The following PRKAR2A variants were observed in gnomAD, a reference collection of about 807,000 sequenced individuals.
PRKAR2A encodes cAMP-dependent protein kinase type II-alpha regulatory subunit.
Under a neutral mutation model 51.9 loss-of-function variants are expected in PRKAR2A, and 29 were observed. The ratio of observed to expected loss-of-function variants is 0.56; its 90% CI spans 0.42 to 0.76. The LOEUF is 0.76. Among genes scored for constraint, PRKAR2A ranks in the 30% least tolerant of loss-of-function variants. The pLI is 0.00. For missense variants in PRKAR2A, 445 were observed against 512.1 expected (o/e 0.87, Z 1.26); for synonymous variants, 178 against 186.2 (o/e 0.96, Z 0.36).
intron 1 of PRKAR2A, among the ~76,000 whole-genome samples, chr3:48,809,346 T>G (rs1458273986): frequency 1.3e-5 from 2 of 151,772 alleles, no homozygotes; most frequent in Non-Finnish European, 2.9e-5. Flanking sequence ...ATCCCAGCAC[T>G]CTGGGAGGCC....
intron 1 of PRKAR2A, among the ~76,000 whole-genome samples, chr3:48,838,050 C>T (rs894535676): frequency 2.6e-5 from 4 of 151,828 alleles, no homozygotes; most frequent in East Asian, 1.9e-4. Context: ...TGGTGGCGGG[C>T]GCCTGTAGTC....
intron 3 of PRKAR2A, 147 bp from the exon 4 acceptor site, chr3:48,790,774 T>C (rs1404925199): frequency 1.9e-6 from 1 of 514,282 alleles, no homozygotes; most frequent in African/African-American, 2.0e-5. Flanking sequence ...TCAAGCTGCA[T>C]GCTAAAGGTG....
At chr3:48,767,851 G>A (rs1448564578) in intron 6 of PRKAR2A, among the ~76,000 whole-genome samples, 1 of 151,806 alleles carries the variant, frequency 6.6e-6, no homozygotes, top group Non-Finnish European at 1.5e-5. Flanking sequence ...TTGAACCTGG[G>A]AGGTGGAGGT....
chr3:48,755,347 A>C (rs2081743410), intron 9 of PRKAR2A, among the ~76,000 whole-genome samples: 1 of 151,692 alleles, frequency 6.6e-6, no homozygotes, highest in Non-Finnish European at 1.5e-5. Flanking sequence ...TATTAACTCG[A>C]CTTAGTATTA....
intron 1 of PRKAR2A, among the ~76,000 whole-genome samples, chr3:48,829,869 A>ATTTT (rs1262187406): frequency 9.1e-5 from 7 of 76,854 alleles, no homozygotes; most frequent in African/African-American, 4.3e-4. Context: ...ATATATATAT[A>ATTTT]TATTTTTTTT....
chr3:48,799,482 C>T (rs2082550009), intron 2 of PRKAR2A, among the ~76,000 whole-genome samples: 1 of 152,034 alleles, frequency 6.6e-6, no homozygotes, highest in Non-Finnish European at 1.5e-5. Context: ...CCAAGTAGTC[C>T]ACAACACTGG....
chr3:48,821,508 A>G (rs1027315342), intron 1 of PRKAR2A, among the ~76,000 whole-genome samples: 3 of 152,272 alleles, frequency 2.0e-5, no homozygotes, highest in African/African-American at 7.2e-5. Context: ...GAGTTCTAGG[A>G]TCAATAGAAA....
At chr3:48,817,752 C>G (rs144839285) in intron 1 of PRKAR2A, among the ~76,000 whole-genome samples, 1 of 151,052 alleles carries the variant, frequency 6.6e-6, no homozygotes, top group African/African-American at 2.4e-5. Flanking sequence ...AGAAAAAACA[C>G]TTCATATTTT....
chr3:48,832,311 C>CAAAAAAAAAAAAAAAAAAAAAAA (rs768304256), intron 1 of PRKAR2A, among the ~76,000 whole-genome samples: 1 of 135,642 alleles, frequency 7.4e-6, no homozygotes, highest in Non-Finnish European at 1.6e-5. Context: ...AAAAAAAAAA[C>CAAAAAAAAAAAAAAAAAAAAAAA]AAAAAAAAAC....
At chr3:48,772,902 C>A in intron 6 of PRKAR2A, 53 bp downstream of exon 6, 5 of 1,539,052 alleles carry the variant, frequency 3.2e-6, no homozygotes, top group Non-Finnish European at 4.4e-6. Context: ...GACAGAGACA[C>A]AGAAAGGGAA....
rs149225360 is a variant in PRKAR2A, at chr3:48,773,004, G to A, written c.647C>T (p.Pro216Leu). 185 of 1,613,764 alleles carry A rather than the reference G, an allele frequency of 1.1e-4. 2 individuals carry two copies. In the African/African-American group the frequency reaches 1.8e-3, roughly 16 times the overall value. ...GGTAGCAACAATGGTAGCAGCTCTCGGGGTGTTGTACATCAGAGCTAGTTC... is the reference window on the plus strand; with the variant it reads ...GGTAGCAACAATGGTAGCAGCTCTCAGGGTGTTGTACATCAGAGCTAGTTC... ...FGELALMYNT[P>L]RAATIVATSE... The change falls in exon 6 of 11, where the codon CCG (proline) becomes CTG (leucine). Residue 216 changes from proline to leucine, a missense_variant. Coordinates refer to ENST00000265563, the MANE Select transcript of PRKAR2A (RefSeq NM_004157.4).
intron 6 of PRKAR2A, among the ~76,000 whole-genome samples, chr3:48,770,973 C>A (rs1199215880): frequency 6.6e-6 from 1 of 152,074 alleles, no homozygotes; most frequent in African/African-American, 2.4e-5. Context: ...TGCCTGTAAT[C>A]CCAGCACTTT....
At chr3:48,771,367 G>C (rs1340258817) in intron 6 of PRKAR2A, among the ~76,000 whole-genome samples, 4 of 152,022 alleles carry the variant, frequency 2.6e-5, no homozygotes, top group Non-Finnish European at 1.5e-5. Context: ...AAAAAGACAG[G>C]TGTGGTGGTG....
rs536960618 is a variant in PRKAR2A, at chr3:48,770,622, A to G, written c.696+2333T>C. On this transcript the variant is annotated intron_variant, in intron 6 of 10. Coordinates refer to ENST00000265563, the MANE Select transcript of PRKAR2A (RefSeq NM_004157.4). ...CAGGAGAAAAGTAGAGGCCAAAAGG[A>G]TATCTTGATAGGTCACTGACCTAAG... 4.3e-4 allele frequency among the ~76,000 whole-genome samples: 65 copies of G among 152,300 alleles called. 1 individual carries two copies. Among genetic ancestry groups the G allele is most frequent in the African/African-American group, 1.5e-3 (61 of 41,560 alleles).
At chr3:48,767,988 T>TA (rs1247375254) in intron 6 of PRKAR2A, among the ~76,000 whole-genome samples, 7 of 150,362 alleles carry the variant, frequency 4.7e-5, no homozygotes, top group Non-Finnish European at 8.9e-5. Flanking sequence ...TTTATTTATT[T>TA]AAAAAAAACC....
intron 1 of PRKAR2A, among the ~76,000 whole-genome samples, chr3:48,844,410 A>C (rs1402078222): frequency 7.3e-5 from 11 of 150,130 alleles, no homozygotes; most frequent in Non-Finnish European, 1.3e-4. Flanking sequence ...TAGTTCAACC[A>C]TTGTGGAAGT....
chr3:48,755,388 TC>T (rs1238602152), intron 9 of PRKAR2A, among the ~76,000 whole-genome samples: 1 of 151,902 alleles, frequency 6.6e-6, no homozygotes, highest in Non-Finnish European at 1.5e-5. Context: ...CTCTGTATTC[TC>T]AAAAAAGAAA....
At chr3:48,844,430 G>A (rs369010667) in intron 1 of PRKAR2A, among the ~76,000 whole-genome samples, 4 of 149,988 alleles carry the variant, frequency 2.7e-5, no homozygotes, top group Admixed American at 2.0e-4. Context: ...TCAGTGTGGC[G>A]ATTCCTCAGG....
At chr3:48,800,678 C>T (rs1354474283) in intron 2 of PRKAR2A, among the ~76,000 whole-genome samples, 5 of 150,370 alleles carry the variant, frequency 3.3e-5, no homozygotes, top group African/African-American at 1.2e-4. Context: ...CTTTTCTTTT[C>T]TTTTTTTTTT....
Sources: gnomAD v4.1 joint callset for allele counts (sites outside exome capture counted in the v4.1 genomes callset) on GRCh38, gnomAD v4.1.1 for gene constraint, MANE v1.5 for transcripts, NCBI Gene and HGNC (gene_info 2026-07-23, HGNC 2026-07-21) for gene names.